Variants in CSMD1 observed in about 807,000 individuals in gnomAD.
CSMD1 encodes the protein CUB and sushi domain-containing protein 1.
CSMD1 carries 213 observed loss-of-function variants against 417.5 expected under a neutral mutation model. That is an observed-to-expected ratio of 0.51 (90% confidence interval 0.46 to 0.57). The LOEUF is 0.57. CSMD1 is among the 20% of genes least tolerant of loss of function. The probability of loss-of-function intolerance (pLI) is 0.00; values close to 1 mark genes in which losing one functional copy is unlikely to be tolerated. For missense variants in CSMD1, 6,923 were observed against 4,529.7 expected (o/e 1.53, Z -15.17); for synonymous variants, 2,862 against 1,736.8 (o/e 1.65, Z -16.11).
intron 10 of CSMD1, among the ~76,000 whole-genome samples, chr8:3,538,004 G>A (rs1392283499): frequency 1.3e-5 from 2 of 152,154 alleles, no homozygotes; most frequent in East Asian, 1.9e-4. Context: ...ATTAGAGAAA[G>A]GGCTTTCCTA....
At chr8:3,505,875 TAAG>T (rs1279670371) in intron 10 of CSMD1, among the ~76,000 whole-genome samples, 1 of 152,094 alleles carries the variant, frequency 6.6e-6, no homozygotes, top group African/African-American at 2.4e-5. Context: ...CTTCAAATAA[TAAG>T]ATTAATTTAA....
At chr8:3,444,307 C>G (rs961815001) in intron 12 of CSMD1, among the ~76,000 whole-genome samples, 1 of 152,106 alleles carries the variant, frequency 6.6e-6, no homozygotes, top group Non-Finnish European at 1.5e-5. Context: ...AAGCTATCAT[C>G]GACTCAGGAG....
At chr8:3,672,668 G>C (rs535360186) in intron 7 of CSMD1, among the ~76,000 whole-genome samples, 3 of 152,096 alleles carry the variant, frequency 2.0e-5, no homozygotes, top group East Asian at 1.9e-4. Context: ...AGTGTCACTG[G>C]GCATCTGTTC....
intron 3 of CSMD1, among the ~76,000 whole-genome samples, chr8:4,360,135 G>T (rs192515224): frequency 3.3e-5 from 5 of 152,122 alleles, no homozygotes; most frequent in African/African-American, 1.2e-4. Context: ...GTTTGGCTGT[G>T]AGGATGATCT....
intron 1 of CSMD1, among the ~76,000 whole-genome samples, chr8:4,721,714 C>G (rs1253983617): frequency 6.6e-6 from 1 of 151,980 alleles, no homozygotes; most frequent in African/African-American, 2.4e-5. Flanking sequence ...TATCTAAAAC[C>G]AAAGGAAATG....
Position 2,957,740 on chromosome 8 carries a change from C to A in CSMD1, c.9770G>T (p.Cys3257Phe). Residue 3257 changes from cysteine (C) to phenylalanine (F), a missense_variant, in exon 63 of 70, where the codon TGC (cysteine) becomes TTC (phenylalanine). Coordinates refer to ENST00000635120, the MANE Select transcript of CSMD1 (RefSeq NM_033225.6). ...CCCACTCCATGTTAAATTGGCAAGG[C>A]AGGTGCGAGTCGTGGAACCTTGAAT... ...YHIQGSTTRT[C>F]LANLTWSGIQ... 6.3e-7 allele frequency: 1 copy of A among 1,599,912 alleles called. No homozygotes were observed. Among genetic ancestry groups the A allele is most frequent in the Non-Finnish European group, 8.5e-7 (1 of 1,172,470 alleles).
At chr8:3,778,191 C>A (rs78254525) in intron 5 of CSMD1, among the ~76,000 whole-genome samples, 4 of 152,292 alleles carry the variant, frequency 2.6e-5, no homozygotes, top group African/African-American at 7.2e-5. Context: ...GGGGCAGGGA[C>A]GGGATCCTGG....
At chr8:3,005,383 A>T (rs1585132626) in intron 52 of CSMD1, among the ~76,000 whole-genome samples, 1 of 152,182 alleles carries the variant, frequency 6.6e-6, no homozygotes, top group Non-Finnish European at 1.5e-5. Flanking sequence ...AACTATTCCA[A>T]TTAATAGAAA....
At chr8:4,983,395 A>G (rs1209339023) in intron 1 of CSMD1, among the ~76,000 whole-genome samples, 1 of 152,254 alleles carries the variant, frequency 6.6e-6, no homozygotes, top group Non-Finnish European at 1.5e-5. Flanking sequence ...TTAAAGAAAC[A>G]GTGAATGTGT....
chr8:4,409,871 T>C lies in CSMD1; in HGVS notation c.415+10082A>G, dbSNP rs149817110. Among the ~76,000 whole-genome samples the C allele has an allele frequency of 3.9e-3, 599 of 152,212 alleles. 19 individuals carry two copies. In the East Asian group the frequency reaches 0.044, roughly 11 times the overall value. On this transcript the variant is annotated intron_variant, in intron 3 of 69. Transcript: ENST00000635120. The stretch of plus-strand genomic sequence containing the variant: ...CTCTGTTGCCCAGGCTGGAGTGTAA[T>C]GGTGCAATCTTGGCTCACTGCAACC...
At position 4,485,902 on chromosome 8, in the gene CSMD1, T is replaced by C. The variant is rs76990907; in HGVS notation, c.303-65837A>G. Among the ~76,000 whole-genome samples the C allele has an allele frequency of 1.4e-3, 216 of 152,060 alleles. 6 individuals are homozygous for C. The East Asian group carries it at 0.038, about 27-fold the overall frequency. ...CTGACCAGGGAGTAAGAAGTGGATT[T>C]CCTGGCAGCCAGGAAGTTCATTTCA... On this transcript the variant is annotated intron_variant, in intron 2 of 69. Transcript: ENST00000635120.
intron 3 of CSMD1, among the ~76,000 whole-genome samples, chr8:4,076,154 G>C (rs569066759): frequency 2.0e-5 from 3 of 152,130 alleles, no homozygotes; most frequent in African/African-American, 4.8e-5. Flanking sequence ...TCATGCGTGT[G>C]GTTGCTCCAT....
At chr8:3,080,709 T>A (rs1814027594) in intron 49 of CSMD1, among the ~76,000 whole-genome samples, 1 of 152,172 alleles carries the variant, frequency 6.6e-6, no homozygotes, top group Non-Finnish European at 1.5e-5. Flanking sequence ...GGCATGCATG[T>A]AATATCTGAC....
chr8:4,229,953 G>C (rs943441284), intron 3 of CSMD1, among the ~76,000 whole-genome samples: 3 of 152,142 alleles, frequency 2.0e-5, no homozygotes, highest in Non-Finnish European at 4.4e-5. Context: ...AATATCAAGA[G>C]ACTTTTACGT....
intron 1 of CSMD1, among the ~76,000 whole-genome samples, chr8:4,748,287 T>A (rs1383132553): frequency 6.6e-6 from 1 of 152,236 alleles, no homozygotes; most frequent in African/African-American, 2.4e-5. Context: ...CAAATCATCA[T>A]CCTTTCTACA....
At chr8:4,088,814 G>T (rs1414044225) in intron 3 of CSMD1, among the ~76,000 whole-genome samples, 2 of 152,036 alleles carry the variant, frequency 1.3e-5, no homozygotes, top group Non-Finnish European at 2.9e-5. Flanking sequence ...CCCTCAGCAT[G>T]TGGACTCATC....
At chr8:4,970,137 G>A (rs1031670030) in intron 1 of CSMD1, among the ~76,000 whole-genome samples, 1 of 151,964 alleles carries the variant, frequency 6.6e-6, no homozygotes, top group Non-Finnish European at 1.5e-5. Context: ...TACACATTTA[G>A]AAGGCATATC....
At chr8:4,556,457 C>A (rs1239342736) in intron 2 of CSMD1, among the ~76,000 whole-genome samples, 2 of 152,234 alleles carry the variant, frequency 1.3e-5, no homozygotes, top group East Asian at 3.9e-4. Flanking sequence ...ACACTGTGCT[C>A]ATATTGCTTG....
chr8:4,507,594 G>C (rs1174106170), intron 2 of CSMD1, among the ~76,000 whole-genome samples: 1 of 152,106 alleles, frequency 6.6e-6, no homozygotes, highest in Non-Finnish European at 1.5e-5. Flanking sequence ...CTTATATAAT[G>C]GGCCATTGGT....
Sources: gnomAD v4.1 joint callset for allele counts (sites outside exome capture counted in the v4.1 genomes callset) on GRCh38, gnomAD v4.1.1 for gene constraint, MANE v1.5 for transcripts, NCBI Gene and HGNC (gene_info 2026-07-23, HGNC 2026-07-21) for gene names.